PDIA6: variants seen among roughly 807,000 people sequenced by gnomAD.
The protein encoded by PDIA6 is protein disulfide isomerase family A member 6, also known as protein disulfide-isomerase A6.
In PDIA6, 29 loss-of-function variants were observed where a neutral mutation model predicts 58.4. The ratio of observed to expected loss-of-function variants is 0.50; its 90% CI spans 0.37 to 0.68. PDIA6 has a LOEUF of 0.68. Among genes scored for constraint, PDIA6 ranks in the 30% least tolerant of loss-of-function variants. The pLI, the probability that PDIA6 is intolerant of heterozygous loss-of-function variation, is 0.00. For missense variants in PDIA6, 480 were observed against 551.0 expected, an observed-to-expected ratio of 0.87 and a Z score of 1.29; for synonymous variants, 192 against 202.6, an observed-to-expected ratio of 0.95 and a Z score of 0.44.
upstream of PDIA6, among the ~76,000 whole-genome samples, chr2:10,813,128 T>C (rs1667082251): frequency 6.6e-6 from 1 of 151,832 alleles, no homozygotes; most frequent in Admixed American, 6.6e-5. Flanking sequence ...TCCTTGCCTG[T>C]GTGCGCCCCC....
At chr2:10,814,524 G>T (rs982547859), upstream of PDIA6, among the ~76,000 whole-genome samples, 3 of 152,168 alleles carry the variant, frequency 2.0e-5, no homozygotes, top group African/African-American at 4.8e-5. Context: ...CGCCTGAGGG[G>T]CAATGAATGC....
At chr2:10,831,258 C>T (rs1028525270) in intron 1 of PDIA6, among the ~76,000 whole-genome samples, 3 of 152,210 alleles carry the variant, frequency 2.0e-5, no homozygotes, top group South Asian at 2.1e-4. Context: ...AGGGCTGTGG[C>T]GCTGCCCTCC....
intron 1 of PDIA6, among the ~76,000 whole-genome samples, chr2:10,811,680 A>G (rs1466302458): frequency 6.6e-6 from 1 of 152,218 alleles, no homozygotes; most frequent in Non-Finnish European, 1.5e-5. Context: ...AGCCGAGGTT[A>G]AGGACTGTCA....
At chr2:10,824,062 C>T (rs72779471) in intron 1 of PDIA6, among the ~76,000 whole-genome samples, 1,953 of 152,274 alleles carry the variant, frequency 0.013, 19 homozygotes, top group East Asian at 0.023. Flanking sequence ...TTGCCACCTC[C>T]TTGTTGGTGT....
At chr2:10,812,593 C>A (rs1667050244) in intron 1 of PDIA6, 85 bp downstream of exon 1, 4 of 1,342,710 alleles carry the variant, frequency 3.0e-6, no homozygotes, top group Admixed American at 3.0e-5. Context: ...CCTGCGGCCG[C>A]GGCCCGCCGG....
Position 10,797,178 on chromosome 2 carries a change from T to C in PDIA6, c.249A>G (p.Ala83=), listed in dbSNP as rs768128946. The change falls in exon 4 of 13, where the codon GCA becomes GCG. Residue 83 remains alanine (A), a synonymous_variant. Transcript: ENST00000272227. The stretch of plus-strand genomic sequence containing the variant: ...GACCTCCTAGGGAATGATGCTTATC[T>C]GCATCAACTGCACCAACTTTGACAA... ...KDVVKVGAVD[A]DKHHSLGGQY... is the part of the protein sequence containing the mutation. 9.9e-6 allele frequency: 16 copies of C among 1,608,792 alleles called. No homozygotes were observed. The highest frequency in any genetic ancestry group is 1.4e-5 in the Non-Finnish European group (16 of 1,176,812).
intron 1 of PDIA6, among the ~76,000 whole-genome samples, chr2:10,828,829 C>A (rs1253584257): frequency 6.6e-6 from 1 of 152,212 alleles, no homozygotes; most frequent in Non-Finnish European, 1.5e-5. Context: ...GTCACAAGTG[C>A]ATGGATGTGT....
chr2:10,833,744 C>T (rs1264962565), upstream of PDIA6, among the ~76,000 whole-genome samples: 1 of 152,134 alleles, frequency 6.6e-6, no homozygotes, highest in Non-Finnish European at 1.5e-5. Context: ...GTGGGCTCTG[C>T]AGGGAGATGT....
chr2:10,797,788 T>C (rs1230952714), intron 2 of PDIA6, 31 bp from the exon 3 acceptor site: 1 of 1,559,568 alleles, frequency 6.4e-7, no homozygotes, highest in Admixed American at 1.9e-5. Context: ...AAAGCAACCA[T>C]TAAAGCCTTT....
upstream of PDIA6, among the ~76,000 whole-genome samples, chr2:10,837,097 G>A (rs1001245441): frequency 2.0e-5 from 3 of 152,308 alleles, no homozygotes; most frequent in Non-Finnish European, 4.4e-5. Context: ...GGGAGGAGAA[G>A]CTTCCAGGGG....
chr2:10,820,419 C>G (rs1392368127), intron 1 of PDIA6, among the ~76,000 whole-genome samples: 1 of 152,104 alleles, frequency 6.6e-6, no homozygotes, highest in African/African-American at 2.4e-5. Flanking sequence ...TCATGTTGCC[C>G]ATTTCTTTTT....
At chr2:10,784,690 T>C (rs747960106) in intron 12 of PDIA6, 6 of 535,132 alleles carry the variant, frequency 1.1e-5, no homozygotes, top group Non-Finnish European at 2.0e-5. Context: ...TTTAAGGTAA[T>C]AATCAGGAAA....
At chr2:10,790,152 T>A (rs1394420066) in intron 7 of PDIA6, among the ~76,000 whole-genome samples, 1 of 152,022 alleles carries the variant, frequency 6.6e-6, no homozygotes, top group Non-Finnish European at 1.5e-5. Context: ...CTAATATTTG[T>A]ATTTTTAATA....
At chr2:10,809,773 A>G (rs1666927744) in intron 1 of PDIA6, among the ~76,000 whole-genome samples, 1 of 151,974 alleles carries the variant, frequency 6.6e-6, no homozygotes, top group Admixed American at 6.6e-5. Context: ...CAGTACACTG[A>G]GCCTATTGTG....
chr2:10,796,512 A>G (rs951623923), intron 4 of PDIA6, among the ~76,000 whole-genome samples: 9 of 152,214 alleles, frequency 5.9e-5, no homozygotes, highest in Admixed American at 2.0e-4. Flanking sequence ...AAAAAAAAAA[A>G]AAAAGAAAAG....
At chr2:10,785,932 T>C (rs1018200463) in intron 11 of PDIA6, among the ~76,000 whole-genome samples, 1 of 150,980 alleles carries the variant, frequency 6.6e-6, no homozygotes, top group Non-Finnish European at 1.5e-5. Context: ...CAGCCTGGTC[T>C]CGAACTCCTG....
At chr2:10,803,315 G>A (rs1425310013) in intron 1 of PDIA6, among the ~76,000 whole-genome samples, 2 of 152,118 alleles carry the variant, frequency 1.3e-5, no homozygotes, top group East Asian at 1.9e-4. Context: ...GTGCCATCAC[G>A]CCCGGCTAAT....
intron 10 of PDIA6, among the ~76,000 whole-genome samples, chr2:10,788,075 AAAAAAG>A (rs1297227854): frequency 2.0e-5 from 3 of 151,870 alleles, no homozygotes; most frequent in Admixed American, 2.0e-4. Context: ...CAAAAAAAAA[AAAAAAG>A]GATAAAATAG....
At chr2:10,805,993 T>C (rs1445248318) in intron 1 of PDIA6, among the ~76,000 whole-genome samples, 1 of 43,332 alleles carries the variant, frequency 2.3e-5, no homozygotes, top group Non-Finnish European at 6.8e-5. Context: ...TGCACCAGCA[T>C]GGCACATGTA....
Sources: gnomAD v4.1 joint callset for allele counts (sites outside exome capture counted in the v4.1 genomes callset) on GRCh38, gnomAD v4.1.1 for gene constraint, MANE v1.5 for transcripts, NCBI Gene and HGNC (gene_info 2026-07-23, HGNC 2026-07-21) for gene names.